The following UGT1A8 variants were observed in gnomAD, a reference collection of about 807,000 sequenced individuals.
UGT1A8 encodes the protein UDP glucuronosyltransferase family 1 member A8.
In UGT1A8, 39 loss-of-function variants were observed where a neutral mutation model predicts 45.3. The observed-to-expected ratio is 0.86, with a 90% CI of 0.67 to 1.12. The LOEUF is 1.12. UGT1A8 is among the 50% of genes most tolerant of loss of function. UGT1A8 has a pLI of 0.00. For synonymous variants in UGT1A8, 275 were observed against 249.2 expected (o/e 1.10, Z -0.97); for missense variants, 719 against 664.9 (o/e 1.08, Z -0.90).
chr2:233,655,743 G>A (rs1421003730), intron 1 of UGT1A8, among the ~76,000 whole-genome samples: 2 of 152,186 alleles, frequency 1.3e-5, no homozygotes, highest in Non-Finnish European at 2.9e-5. Flanking sequence ...TCCTGTCCCT[G>A]GAGGTTCACA....
Position 233,772,748 on chromosome 2 carries a change from T to C in UGT1A8, c.*189T>C. 7.0e-7 allele frequency: 1 copy of C among 1,420,206 alleles called. No individual in the cohort carries two copies. The highest frequency in any genetic ancestry group is 9.2e-7 in the Non-Finnish European group (1 of 1,083,550). The allele number at this position is 1,420,206 out of a possible 1,614,324, so 88.0% of individuals were successfully genotyped here. A position where few individuals can be genotyped will look rare whatever the true frequency, so the allele number is the denominator to read the frequency against. ...AGACTCGCTAGTCAGTAAAGATATT[T>C]GAATATGTATCGTGCCCCCTCTGGT... On this transcript the variant is annotated 3_prime_UTR_variant, in exon 5 of 5. Transcript: ENST00000373450.
rs749184959 is a variant in UGT1A8, at chr2:233,618,206, G to A, written c.499G>A (p.Val167Ile). 1 of 1,613,946 alleles carries A rather than the reference G, an allele frequency of 6.2e-7. No homozygotes were observed. Among genetic ancestry groups the A allele is most frequent in the South Asian group, 1.1e-5 (1 of 91,064 alleles). ...VAKYFSLPSVVFARGIACHYL... is the reference protein window; with the variant it reads ...VAKYFSLPSVIFARGIACHYL... The stretch of plus-strand genomic sequence containing the variant: ...CAAATATTTCTCCCTCCCCTCTGTG[G>A]TCTTCGCCAGGGGAATAGCTTGCCA... The change falls in exon 1 of 5, where the codon GTC (valine) becomes ATC (isoleucine). Residue 167 changes from valine to isoleucine, a missense_variant. Val to Ile is a conservative substitution (Grantham distance 29). Transcript: ENST00000373450.
At chr2:233,747,405 G>C (rs112085732) in intron 1 of UGT1A8, 2 of 1,607,054 alleles carry the variant, frequency 1.2e-6, no homozygotes, top group Non-Finnish European at 1.7e-6. Context: ...CACCCCAGAG[G>C]TGAATATGCA....
chr2:233,716,357 T>C (rs1330128112), intron 1 of UGT1A8, among the ~76,000 whole-genome samples: 1 of 152,220 alleles, frequency 6.6e-6, no homozygotes, highest in Non-Finnish European at 1.5e-5. Context: ...ATGTAGATAC[T>C]TTGTGGGGCT....
intron 1 of UGT1A8, among the ~76,000 whole-genome samples, chr2:233,762,717 G>GTT (rs34681509): frequency 7.1e-6 from 1 of 141,156 alleles, no homozygotes; most frequent in African/African-American, 2.6e-5. Context: ...ATTTTACACG[G>GTT]TTTTTTTTTT....
intron 1 of UGT1A8, chr2:233,637,143 A>G (rs374507857): frequency 1.9e-6 from 3 of 1,613,974 alleles, no homozygotes; most frequent in Non-Finnish European, 2.5e-6. Context: ...AGGAGAGAGT[A>G]TGGAACCACA....
At chr2:233,625,203 A>T (rs1413837542) in intron 1 of UGT1A8, among the ~76,000 whole-genome samples, 1 of 152,078 alleles carries the variant, frequency 6.6e-6, no homozygotes, top group Non-Finnish European at 1.5e-5. Context: ...CAACATCACT[A>T]ATCATCAGAG....
chr2:233,662,879 T>A (rs2074003668), intron 1 of UGT1A8, among the ~76,000 whole-genome samples: 5 of 152,066 alleles, frequency 3.3e-5, no homozygotes, highest in Admixed American at 2.0e-4. Context: ...TCTGTAACTA[T>A]TAAGATTGCT....
intron 1 of UGT1A8, among the ~76,000 whole-genome samples, chr2:233,645,831 G>A (rs2073587076): frequency 6.6e-6 from 1 of 152,162 alleles, no homozygotes; most frequent in Non-Finnish European, 1.5e-5. Flanking sequence ...ACTATTGGTG[G>A]ACCTACCATT....
At chr2:233,640,445 C>T (rs771860351) in intron 1 of UGT1A8, among the ~76,000 whole-genome samples, 3 of 152,062 alleles carry the variant, frequency 2.0e-5, no homozygotes, top group Non-Finnish European at 4.4e-5. Flanking sequence ...CGTTATCACA[C>T]CTAACACAAT....
intron 1 of UGT1A8, among the ~76,000 whole-genome samples, chr2:233,663,092 A>G (rs2125491132): frequency 6.6e-6 from 1 of 152,238 alleles, no homozygotes; most frequent in East Asian, 1.9e-4. Context: ...AACTCTCTTC[A>G]TCTTCCCAAA....
At chr2:233,748,101 C>T in intron 1 of UGT1A8, 2 of 1,612,622 alleles carry the variant, frequency 1.2e-6, no homozygotes, top group Non-Finnish European at 1.7e-6. Flanking sequence ...TGCCTTCATC[C>T]AATCAATGTT....
At chr2:233,675,105 G>A (rs1005583841) in intron 1 of UGT1A8, among the ~76,000 whole-genome samples, 1 of 152,044 alleles carries the variant, frequency 6.6e-6, no homozygotes, top group Non-Finnish European at 1.5e-5. Flanking sequence ...GGATTTTCTT[G>A]AAGGTCTCCT....
intron 1 of UGT1A8, chr2:233,721,833 A>G (rs1417252749): frequency 1.9e-6 from 1 of 515,974 alleles, no homozygotes; most frequent in African/African-American, 1.9e-5. Flanking sequence ...TGGGCCACCG[A>G]CCTTGTGTCC....
chr2:233,682,399 C>T, intron 1 of UGT1A8: 3 of 1,613,850 alleles, frequency 1.9e-6, no homozygotes, highest in Non-Finnish European at 2.5e-6. Flanking sequence ...ATGCCTGTGG[C>T]TTAATTGTTG....
At chr2:233,681,569 T>C (rs1372123824) in intron 1 of UGT1A8, among the ~76,000 whole-genome samples, 1 of 152,046 alleles carries the variant, frequency 6.6e-6, no homozygotes, top group Non-Finnish European at 1.5e-5. Context: ...AAATTTTTCT[T>C]TGTGACAAAT....
At chr2:233,672,131 T>C in intron 1 of UGT1A8, 3 of 1,614,178 alleles carry the variant, frequency 1.9e-6, no homozygotes, top group Non-Finnish European at 2.5e-6. Flanking sequence ...AGTTGGCAAC[T>C]GGGAAGATCA....
chr2:233,646,578 G>T (rs1489783084), intron 1 of UGT1A8, among the ~76,000 whole-genome samples: 1 of 152,086 alleles, frequency 6.6e-6, no homozygotes, highest in Non-Finnish European at 1.5e-5. Flanking sequence ...AAGGTTCAAA[G>T]TTCCACAAAT....
At chr2:233,764,324 A>C (rs1432372938) in intron 1 of UGT1A8, among the ~76,000 whole-genome samples, 1 of 152,154 alleles carries the variant, frequency 6.6e-6, no homozygotes, top group Non-Finnish European at 1.5e-5. Context: ...AGCTTTGCCA[A>C]GTAGGGGATG....
Sources: gnomAD v4.1 joint callset for allele counts (sites outside exome capture counted in the v4.1 genomes callset) on GRCh38, gnomAD v4.1.1 for gene constraint, MANE v1.5 for transcripts, NCBI Gene and HGNC (gene_info 2026-07-23, HGNC 2026-07-21) for gene names.